FKBP9: variants seen among roughly 807,000 people sequenced by gnomAD.
FKBP9 encodes peptidyl-prolyl cis-trans isomerase FKBP9.
FKBP9 carries 27 observed loss-of-function variants against 55.6 expected under a neutral mutation model. The observed-to-expected ratio is 0.49, with a 90% CI of 0.36 to 0.67. The LOEUF (loss-of-function observed/expected upper bound fraction) is 0.67. Among genes scored for constraint, FKBP9 ranks in the 30% least tolerant of loss-of-function variants. The pLI is 0.00. For synonymous variants in FKBP9, 267 were observed against 296.5 expected (o/e 0.90, Z 1.02); for missense variants, 539 against 742.8 (o/e 0.73, Z 3.19).
chr7:32,966,183 G>A (rs1784143399), intron 1 of FKBP9, among the ~76,000 whole-genome samples: 2 of 44,846 alleles, frequency 4.5e-5, no homozygotes, highest in African/African-American at 7.3e-5. Context: ...ACAGTGAGAC[G>A]CCATCTCAAA....
At chr7:32,972,526 ACATTTTATTACATAATTAATTACATTAT>A (rs1784273411) in intron 1 of FKBP9, among the ~76,000 whole-genome samples, 1 of 152,200 alleles carries the variant, frequency 6.6e-6, no homozygotes, top group Non-Finnish European at 1.5e-5. Context: ...GCAGCTCTTA[ACATTTTATTACATAATTAATTACATTAT>A]CATTTTGAAA....
chr7:32,976,587 T>A, intron 4 of FKBP9, 88 bp downstream of exon 4: 1 of 1,518,212 alleles, frequency 6.6e-7, no homozygotes, highest in African/African-American at 1.4e-5. Context: ...TGAAACCCAC[T>A]AGACCTTTCG....
rs1460116423 is a variant in FKBP9, at chr7:32,974,482, C to T, written c.222-135C>T. ...CTGTCCAGTGGAGATGTTCCTGTAT[C>T]AGTAACTCCTAGGCAGGGTTTTTGC... On this transcript the variant is annotated intron_variant, in intron 1 of 9. Transcript: ENST00000242209. 4.5e-6 allele frequency: 3 copies of T among 660,750 alleles called. No homozygotes were observed. The African/African-American group carries it at 5.4e-5, about 12-fold the overall frequency. The allele number at this position is 660,750 out of a possible 1,614,324, so 40.9% of individuals were successfully genotyped here.
chr7:32,958,018 A>T (rs1783940527), intron 1 of FKBP9, among the ~76,000 whole-genome samples: 1 of 152,154 alleles, frequency 6.6e-6, no homozygotes, highest in South Asian at 2.1e-4. Context: ...CCCTTGGAGG[A>T]CCTTGAGCAG....
chr7:32,988,419 T>A, intron 5 of FKBP9, 88 bp from the exon 6 acceptor site: 2 of 1,358,506 alleles, frequency 1.5e-6, no homozygotes, highest in Non-Finnish European at 2.1e-6. Flanking sequence ...GGCCTCTGTG[T>A]GCCTTTGCAT....
At position 32,957,648 on chromosome 7, in the gene FKBP9, G is replaced by A; in HGVS notation, c.75G>A (p.Ala25=). Residue 25 remains alanine, a synonymous_variant, in exon 1 of 10, where the codon GCG becomes GCA. Transcript: ENST00000242209. ...LLLLWVTGQA[A]PVAGLGSDAE... ...TGCTCTGGGTGACCGGGCAGGCAGC[G>A]CCCGTGGCGGGCCTGGGCTCCGACG... 6.7e-7 allele frequency: 1 copy of A among 1,502,464 alleles called. No homozygotes were observed. 93.1% of individuals were successfully genotyped at this position (1,502,464 alleles called of 1,614,324 possible).
At chr7:33,002,549 C>T (rs1204679787) in intron 8 of FKBP9, 127 bp from the exon 9 acceptor site, 60 of 1,429,110 alleles carry the variant, frequency 4.2e-5, no homozygotes, top group Admixed American at 2.4e-4. Flanking sequence ...GCCTCTGCTC[C>T]GCTTTCTTGC....
At chr7:32,983,146 C>A (rs1239732942) in intron 5 of FKBP9, among the ~76,000 whole-genome samples, 4 of 151,962 alleles carry the variant, frequency 2.6e-5, no homozygotes, top group Non-Finnish European at 5.9e-5. Context: ...GTCTCAGCCT[C>A]CTTAGTAGCT....
intron 1 of FKBP9, among the ~76,000 whole-genome samples, chr7:32,965,872 C>A (rs1419468387): frequency 2.7e-5 from 2 of 73,410 alleles, no homozygotes; most frequent in African/African-American, 7.2e-5. Context: ...TATATACATA[C>A]ATATATATAT....
At chr7:32,985,639 A>C (rs1291761277) in intron 5 of FKBP9, among the ~76,000 whole-genome samples, 1 of 152,212 alleles carries the variant, frequency 6.6e-6, no homozygotes, top group African/African-American at 2.4e-5. Context: ...TTTTAGCATT[A>C]CTTTACTGAG....
At chr7:32,987,102 C>CG (rs1399387017) in intron 5 of FKBP9, among the ~76,000 whole-genome samples, 1 of 151,930 alleles carries the variant, frequency 6.6e-6, no homozygotes, top group Non-Finnish European at 1.5e-5. Context: ...ACCAGGGTGG[C>CG]GGGGTGAGCA....
At chr7:32,966,708 G>A (rs930449574) in intron 1 of FKBP9, among the ~76,000 whole-genome samples, 2 of 152,110 alleles carry the variant, frequency 1.3e-5, no homozygotes, top group Non-Finnish European at 2.9e-5. Context: ...TGTACAGGAA[G>A]CATTGCATGC....
chr7:32,988,541 G>C lies in FKBP9; in HGVS notation c.928G>C (p.Gly310Arg). The change falls in exon 6 of 10, where the codon GGG (glycine) becomes CGG (arginine). Residue 310 changes from glycine (G) to arginine (R), a missense_variant. Transcript: ENST00000242209. ...SRNRTFDTYI[G>R]QGYVIPGMDE... ...GAACCGCACGTTTGACACGTACATTGGGCAGGGCTACGTGATTCCTGGGAT... is the reference window on the plus strand; with the variant it reads ...GAACCGCACGTTTGACACGTACATTCGGCAGGGCTACGTGATTCCTGGGAT... The C allele has an allele frequency of 6.2e-7, 1 of 1,613,844 alleles. No individual in the cohort carries two copies.
In FKBP9 at chr7:33,005,113, G is replaced by T. The variant is rs1200011644; in HGVS notation, c.1537-62G>T. 3.8e-6 allele frequency: 6 copies of T among 1,577,692 alleles called. No homozygotes were observed. The African/African-American group carries it at 8.1e-5, about 21-fold the overall frequency. On this transcript the variant is annotated intron_variant, in intron 9 of 9. Coordinates refer to ENST00000242209, the MANE Select transcript of FKBP9 (RefSeq NM_007270.5). ...TCACCCCCAGACTGCTCTGTTTCTG[G>T]CCCCAGGCCTGGCGTTCATGGCGGC...
chr7:33,003,705 G>T (rs2127989724), intron 9 of FKBP9, among the ~76,000 whole-genome samples: 1 of 152,228 alleles, frequency 6.6e-6, no homozygotes, highest in Non-Finnish European at 1.5e-5. Context: ...CTGGCTTCCA[G>T]GACACCACAC....
At chr7:33,003,376 C>T (rs1339349206) in intron 9 of FKBP9, among the ~76,000 whole-genome samples, 2 of 152,258 alleles carry the variant, frequency 1.3e-5, no homozygotes, top group Non-Finnish European at 2.9e-5. Context: ...TCTCTCTCCA[C>T]ATCATCAGCC....
At position 32,959,730 on chromosome 7, in the gene FKBP9, A is replaced by G. The variant is rs112763857; in HGVS notation, c.221+1936A>G. ...ATCATATAATTTGAGGTGCTTTGTT[A>G]TTTATTTATAATTGGCTTCTTTCAT... On this transcript the variant is annotated intron_variant, in intron 1 of 9. Coordinates refer to ENST00000242209, the MANE Select transcript of FKBP9 (RefSeq NM_007270.5). Among the ~76,000 whole-genome samples the G allele has an allele frequency of 9.5e-3, 1,440 of 152,254 alleles. 25 individuals are homozygous for G. The highest frequency in any genetic ancestry group is 0.033 in the African/African-American group (1,356 of 41,554).
At chr7:32,973,095 T>C (rs1490607616) in intron 1 of FKBP9, among the ~76,000 whole-genome samples, 1 of 152,172 alleles carries the variant, frequency 6.6e-6, no homozygotes, top group Non-Finnish European at 1.5e-5. Flanking sequence ...TAAAATGCCA[T>C]AGAGCATTTT....
At chr7:32,994,920 G>A (rs1054320241) in intron 6 of FKBP9, 2 of 173,654 alleles carry the variant, frequency 1.2e-5, no homozygotes, top group Admixed American at 1.3e-4. Flanking sequence ...TTTGTCATTA[G>A]CTGTGTTATT....
Sources: gnomAD v4.1 joint callset for allele counts (sites outside exome capture counted in the v4.1 genomes callset) on GRCh38, gnomAD v4.1.1 for gene constraint, MANE v1.5 for transcripts, NCBI Gene and HGNC (gene_info 2026-07-23, HGNC 2026-07-21) for gene names.